SCFD1: variants seen among roughly 807,000 people sequenced by gnomAD.
The protein encoded by SCFD1 is sec1 family domain containing 1, also known as sec1 family domain-containing protein 1.
A neutral mutation model predicts 103.2 loss-of-function variants in SCFD1; 37 were observed. That is an observed-to-expected ratio of 0.36 (90% CI 0.28 to 0.47). The LOEUF is 0.47. Ranked by LOEUF, SCFD1 falls within the 20% of genes least tolerant of loss-of-function variation. SCFD1 has a pLI of 1.00. For synonymous variants in SCFD1, 264 were observed against 245.0 expected, an observed-to-expected ratio of 1.08 and a Z score of -0.73; for missense variants, 639 against 761.2, an observed-to-expected ratio of 0.84 and a Z score of 1.89.
chr14:30,683,034 G>A, intron 14 of SCFD1: 1 of 1,326,252 alleles, frequency 7.5e-7, no homozygotes, highest in African/African-American at 1.5e-5. Flanking sequence ...GGACAGGCTG[G>A]GCAGCCTGGG....
At chr14:30,705,677 A>G (rs887385446) in intron 17 of SCFD1, 146 bp from the exon 18 acceptor site, 1 of 593,380 alleles carries the variant, frequency 1.7e-6, no homozygotes, top group African/African-American at 1.9e-5. Flanking sequence ...TACTAATTGT[A>G]GTGTACTTGT....
At chr14:30,719,188 G>A (rs1009712150) in intron 20 of SCFD1, 137 bp from the exon 21 acceptor site, 5 of 652,088 alleles carry the variant, frequency 7.7e-6, no homozygotes, top group Non-Finnish European at 8.1e-6. Context: ...CACATAGTAA[G>A]TGCTCATTAA....
chr14:30,623,997 G>A (rs1883123229), intron 1 of SCFD1, among the ~76,000 whole-genome samples: 1 of 152,098 alleles, frequency 6.6e-6, no homozygotes, highest in African/African-American at 2.4e-5. Context: ...ACTATTGTTA[G>A]GCATTGCATT....
intron 23 of SCFD1, among the ~76,000 whole-genome samples, chr14:30,732,023 G>A (rs142202273): frequency 4.6e-5 from 7 of 152,028 alleles, no homozygotes; most frequent in African/African-American, 9.7e-5. Context: ...TTTGAGATAC[G>A]TCCCATCAAT....
chr14:30,663,425 G>A (rs146640666), intron 10 of SCFD1, among the ~76,000 whole-genome samples: 1 of 152,148 alleles, frequency 6.6e-6, no homozygotes, highest in East Asian at 1.9e-4. Context: ...TTCCACAATT[G>A]TGCTATTTTT....
intron 14 of SCFD1, among the ~76,000 whole-genome samples, chr14:30,681,614 T>C (rs187027424): frequency 2.6e-4 from 39 of 151,554 alleles, no homozygotes; most frequent in Admixed American, 2.0e-3. Context: ...TCAATAGTTA[T>C]AATGTTAATT....
chr14:30,643,696 T>G (rs1055615834), intron 7 of SCFD1, among the ~76,000 whole-genome samples: 2 of 152,224 alleles, frequency 1.3e-5, no homozygotes, highest in African/African-American at 4.8e-5. Context: ...ATGTGCCTGT[T>G]AATTTTCTTT....
In SCFD1 at chr14:30,670,351, T is replaced by C. The variant is rs769230363; in HGVS notation, c.951T>C (p.Tyr317=). 8 of 1,592,274 alleles carry C rather than the reference T, an allele frequency of 5.0e-6. 2 individuals are homozygous for C. The South Asian group carries it at 8.1e-5, about 16-fold the overall frequency. Residue 317 remains tyrosine (Y), a synonymous_variant, in exon 11 of 25, where the codon TAT becomes TAC. Transcript: ENST00000458591. ...ARPKRKNKKS[Y]DLTPVDKFWQ... ...CAAAGAGAAAAAACAAGAAGTCTTA[T>C]GATTTAACTCCGGTTGATAAATTTT...
At chr14:30,700,121 G>A (rs536511386) in intron 15 of SCFD1, 67 bp from the exon 16 acceptor site, 84 of 1,097,084 alleles carry the variant, frequency 7.7e-5, no homozygotes, top group African/African-American at 5.8e-4. Context: ...TAACATACTT[G>A]TGTTGACTAT....
At chr14:30,639,659 T>C (rs909164532) in intron 5 of SCFD1, 118 bp from the exon 6 acceptor site, 1 of 1,064,200 alleles carries the variant, frequency 9.4e-7, no homozygotes, top group African/African-American at 1.6e-5. Context: ...TTTTTAGTTA[T>C]TGAATGTAAT....
At chr14:30,710,261 T>C (rs1891773319) in intron 19 of SCFD1, among the ~76,000 whole-genome samples, 1 of 139,380 alleles carries the variant, frequency 7.2e-6, no homozygotes, top group African/African-American at 2.8e-5. Flanking sequence ...CTTACAAAAG[T>C]AAAATTTGAA....
At chr14:30,642,165 G>A (rs1368375659) in intron 6 of SCFD1, among the ~76,000 whole-genome samples, 1 of 152,098 alleles carries the variant, frequency 6.6e-6, no homozygotes, top group Non-Finnish European at 1.5e-5. Context: ...TCAGCTCACT[G>A]CAACCTCTGT....
intron 14 of SCFD1, among the ~76,000 whole-genome samples, chr14:30,692,912 A>C (rs1025094686): frequency 6.6e-6 from 1 of 152,110 alleles, no homozygotes; most frequent in East Asian, 1.9e-4. Context: ...GTAAATTATT[A>C]AATACCCGTC....
At chr14:30,628,015 A>G (rs1328531805) in intron 1 of SCFD1, among the ~76,000 whole-genome samples, 194 bp from the exon 2 acceptor site, 2 of 152,182 alleles carry the variant, frequency 1.3e-5, no homozygotes, top group Non-Finnish European at 2.9e-5. Context: ...GAAATCTCCC[A>G]AATACATGTC....
chr14:30,660,177 C>A (rs1034745062), intron 10 of SCFD1, among the ~76,000 whole-genome samples: 13 of 152,096 alleles, frequency 8.5e-5, no homozygotes, highest in African/African-American at 3.1e-4. Context: ...CTCAGTTCCT[C>A]CCTCCTCACT....
chr14:30,696,816 G>C (rs1890733087), intron 15 of SCFD1, among the ~76,000 whole-genome samples: 1 of 152,048 alleles, frequency 6.6e-6, no homozygotes, highest in South Asian at 2.1e-4. Flanking sequence ...AGTAAGAAGG[G>C]CATCCATGCA....
chr14:30,722,405 C>T (rs1357227993), intron 22 of SCFD1, 89 bp from the exon 23 acceptor site: 3 of 919,202 alleles, frequency 3.3e-6, no homozygotes, highest in Non-Finnish European at 5.0e-6. Flanking sequence ...TAGAATATGA[C>T]TTTTGGCTAG....
Position 30,650,439 on chromosome 14 carries a change from T to TA in SCFD1, c.670-125dup, listed in dbSNP as rs1248459610. ...GTAAGACGGAGCTAAAATATTTAGA[T>TA]ATTAGATTTGCTATTTGTAAAGAAA... On this transcript the variant is annotated intron_variant, in intron 8 of 24. Coordinates refer to ENST00000458591, the MANE Select transcript of SCFD1 (RefSeq NM_016106.4). 1.1e-4 allele frequency: 72 copies of TA among 655,642 alleles called. No homozygotes were observed. In the South Asian group the frequency reaches 1.3e-3, roughly 12 times the overall value. The allele number at this position is 655,642 out of a possible 1,614,324, so 40.6% of individuals were successfully genotyped here. A position where few individuals can be genotyped will look rare whatever the true frequency, so the allele number is the denominator to read the frequency against.
At chr14:30,719,759 C>G (rs1892529254) in intron 21 of SCFD1, among the ~76,000 whole-genome samples, 1 of 151,958 alleles carries the variant, frequency 6.6e-6, no homozygotes, top group South Asian at 2.1e-4. Flanking sequence ...TTTTATTTAA[C>G]TGGTCCATAA....
Sources: gnomAD v4.1 joint callset for allele counts (sites outside exome capture counted in the v4.1 genomes callset) on GRCh38, gnomAD v4.1.1 for gene constraint, MANE v1.5 for transcripts, NCBI Gene and HGNC (gene_info 2026-07-23, HGNC 2026-07-21) for gene names.